The following ROR1 variants were observed in gnomAD, a reference collection of about 807,000 sequenced individuals.
ROR1 encodes the protein inactive tyrosine-protein kinase transmembrane receptor ROR1.
Under a neutral mutation model 78.8 loss-of-function variants are expected in ROR1, and 19 were observed. The observed-to-expected ratio is 0.24, with a 90% confidence interval of 0.17 to 0.35. The LOEUF (loss-of-function observed/expected upper bound fraction) is 0.35. Among genes scored for constraint, ROR1 ranks in the 10% least tolerant of loss-of-function variants. The probability of loss-of-function intolerance (pLI) is 1.00; values close to 1 mark genes in which losing one functional copy is unlikely to be tolerated. For missense variants in ROR1, 917 were observed against 1,177.8 expected (o/e 0.78, Z 3.24); for synonymous variants, 386 against 433.6 (o/e 0.89, Z 1.36).
chr1:63,899,085 A>C (rs1222656928), intron 1 of ROR1, among the ~76,000 whole-genome samples: 1 of 151,886 alleles, frequency 6.6e-6, no homozygotes, highest in Admixed American at 6.6e-5. Flanking sequence ...ACAGTTTCTC[A>C]GGCCAGGTTC....
chr1:64,073,727 T>C (rs548657100), intron 4 of ROR1, among the ~76,000 whole-genome samples: 1 of 152,118 alleles, frequency 6.6e-6, no homozygotes, highest in East Asian at 1.9e-4. Flanking sequence ...AAAAATCATG[T>C]TGGCAAATGA....
chr1:63,794,288 G>C (rs1644745144), intron 1 of ROR1, among the ~76,000 whole-genome samples: 1 of 152,204 alleles, frequency 6.6e-6, no homozygotes, highest in Non-Finnish European at 1.5e-5. Flanking sequence ...GCAAAAATCA[G>C]ACAATGCTGA....
intron 1 of ROR1, among the ~76,000 whole-genome samples, chr1:63,834,247 G>A (rs1388187691): frequency 6.6e-6 from 1 of 151,426 alleles, no homozygotes; most frequent in Non-Finnish European, 1.5e-5. Context: ...TTTAAAGTGG[G>A]TTACTCTGAG....
intron 1 of ROR1, among the ~76,000 whole-genome samples, chr1:63,987,655 T>C (rs762023958): frequency 2.6e-5 from 4 of 152,166 alleles, no homozygotes; most frequent in Non-Finnish European, 5.9e-5. Flanking sequence ...TTCTCAGAAG[T>C]TTTAACGAGA....
At chr1:63,799,699 A>C (rs1644784060) in intron 1 of ROR1, among the ~76,000 whole-genome samples, 1 of 150,250 alleles carries the variant, frequency 6.7e-6, no homozygotes, top group Admixed American at 6.6e-5. Flanking sequence ...ATTTGTTTAT[A>C]TGTTTGTCTC....
intron 7 of ROR1, chr1:64,143,533 T>A: frequency 2.1e-6 from 1 of 468,598 alleles, no homozygotes; most frequent in Non-Finnish European, 2.8e-6. Context: ...AGCTACAGGG[T>A]AGGAGGGTGG....
chr1:64,149,836 T>G (rs1261467667), intron 7 of ROR1, among the ~76,000 whole-genome samples: 1 of 152,244 alleles, frequency 6.6e-6, no homozygotes, highest in East Asian at 1.9e-4. Flanking sequence ...CATTTCACTG[T>G]AGCCCTTTAT....
At chr1:64,168,522 T>C (rs962994217) in intron 8 of ROR1, among the ~76,000 whole-genome samples, 2 of 152,322 alleles carry the variant, frequency 1.3e-5, no homozygotes, top group African/African-American at 2.4e-5. Flanking sequence ...TAGTAGTCTG[T>C]ATGTATATTC....
chr1:63,863,125 T>C (rs1645192066), intron 1 of ROR1, among the ~76,000 whole-genome samples: 1 of 152,234 alleles, frequency 6.6e-6, no homozygotes, highest in Non-Finnish European at 1.5e-5. Context: ...TAGTTGTGAT[T>C]TCTGCCTTGC....
intron 1 of ROR1, among the ~76,000 whole-genome samples, chr1:63,969,017 A>C (rs918681142): frequency 1.3e-5 from 2 of 152,328 alleles, no homozygotes; most frequent in Admixed American, 1.3e-4. Context: ...ACTTTACTCC[A>C]AATCCTGGAT....
At chr1:63,845,235 T>C (rs1278732279) in intron 1 of ROR1, among the ~76,000 whole-genome samples, 1 of 152,228 alleles carries the variant, frequency 6.6e-6, no homozygotes, top group Non-Finnish European at 1.5e-5. Flanking sequence ...GAGCACAGCC[T>C]GAATTTCAGA....
At chr1:63,948,134 C>T (rs778359252) in intron 1 of ROR1, among the ~76,000 whole-genome samples, 16 of 152,096 alleles carry the variant, frequency 1.1e-4, no homozygotes, top group Non-Finnish European at 1.6e-4. Flanking sequence ...ATTGATTTAG[C>T]CAGTCCACAC....
At chr1:64,137,343 T>TA in intron 4 of ROR1, 26 bp from the exon 5 acceptor site, 1 of 1,613,420 alleles carries the variant, frequency 6.2e-7, no homozygotes, top group Non-Finnish European at 8.5e-7. Flanking sequence ...GTGCATCAGC[T>TA]AATGTCTGTC....
intron 1 of ROR1, among the ~76,000 whole-genome samples, chr1:63,920,944 CTG>C (rs1645649562): frequency 6.6e-6 from 1 of 152,186 alleles, no homozygotes; most frequent in African/African-American, 2.4e-5. Flanking sequence ...GTGGGAGACA[CTG>C]TTCTCAGTGC....
At chr1:64,098,850 A>G (rs1647405623) in intron 4 of ROR1, among the ~76,000 whole-genome samples, 1 of 152,218 alleles carries the variant, frequency 6.6e-6, no homozygotes, top group Non-Finnish European at 1.5e-5. Context: ...AGTACTAAAT[A>G]AATAGTTGCC....
chr1:64,040,640 G>A (rs1202107511), intron 2 of ROR1, among the ~76,000 whole-genome samples: 1 of 152,110 alleles, frequency 6.6e-6, no homozygotes, highest in Non-Finnish European at 1.5e-5. Flanking sequence ...CCCTGTTGAG[G>A]GCTCATTTCC....
At chr1:64,002,715 AAG>A (rs1439834733) in intron 1 of ROR1, among the ~76,000 whole-genome samples, 5 of 152,202 alleles carry the variant, frequency 3.3e-5, no homozygotes, top group Non-Finnish European at 7.3e-5. Context: ...AGGAAAAAAA[AAG>A]GCATTTAAGT....
chr1:63,783,501 A>G (rs1644665900), intron 1 of ROR1, among the ~76,000 whole-genome samples: 1 of 152,164 alleles, frequency 6.6e-6, no homozygotes, highest in Non-Finnish European at 1.5e-5. Context: ...TTTAACTTGC[A>G]TAGTCTTCAG....
At chr1:63,956,565 T>C (rs772672894) in intron 1 of ROR1, among the ~76,000 whole-genome samples, 1 of 152,176 alleles carries the variant, frequency 6.6e-6, no homozygotes, top group Non-Finnish European at 1.5e-5. Context: ...TGGCCCAAAT[T>C]CCCTTAATTC....
Sources: gnomAD v4.1 joint callset for allele counts (sites outside exome capture counted in the v4.1 genomes callset) on GRCh38, gnomAD v4.1.1 for gene constraint, MANE v1.5 for transcripts, NCBI Gene and HGNC (gene_info 2026-07-23, HGNC 2026-07-21) for gene names.